The following WBP1L variants were observed in gnomAD, a reference collection of about 807,000 sequenced individuals.
WBP1L encodes the protein WW domain binding protein 1 like, also known as WW domain binding protein 1-like.
Under a neutral mutation model 33.7 loss-of-function variants are expected in WBP1L, and 17 were observed. The observed-to-expected ratio is 0.50, with a 90% CI of 0.34 to 0.76. The LOEUF is 0.76. Among genes scored for constraint, WBP1L ranks in the 30% least tolerant of loss-of-function variants. The pLI is 0.01. For synonymous variants in WBP1L, 173 were observed against 190.8 expected, an observed-to-expected ratio of 0.91 and a Z score of 0.77; for missense variants, 389 against 469.4, an observed-to-expected ratio of 0.83 and a Z score of 1.58.
intron 2 of WBP1L, among the ~76,000 whole-genome samples, chr10:102,807,002 T>C (rs1289321437): frequency 3.3e-5 from 5 of 152,334 alleles, no homozygotes; most frequent in South Asian, 4.1e-4. Context: ...ATTTTTTTCT[T>C]TTTTTAAACA....
At chr10:102,758,955 C>T (rs552158379) in intron 1 of WBP1L, among the ~76,000 whole-genome samples, 1 of 152,270 alleles carries the variant, frequency 6.6e-6, no homozygotes, top group South Asian at 2.1e-4. Context: ...TTTCTTCTAC[C>T]GCTATCTACT....
chr10:102,780,962 G>A (rs947631798), intron 1 of WBP1L, among the ~76,000 whole-genome samples: 2 of 152,174 alleles, frequency 1.3e-5, no homozygotes, highest in African/African-American at 4.8e-5. Flanking sequence ...CCACACCAGT[G>A]AGATGGGATG....
chr10:102,815,674 A>G lies in WBP1L; in HGVS notation c.*2343A>G, dbSNP rs1843929853. 1 of 152,094 alleles carries G rather than the reference A, an allele frequency of 6.6e-6. No homozygotes were observed. The highest frequency in any genetic ancestry group is 2.1e-4 in the South Asian group (1 of 4,834). The allele number at this position is 152,094 out of a possible 1,614,324, so 9.4% of individuals were successfully genotyped here. On this transcript the variant is annotated 3_prime_UTR_variant, in exon 4 of 4. Coordinates refer to ENST00000448841, the MANE Select transcript of WBP1L (RefSeq NM_001083913.2). Reference sequence around the variant, plus strand: ...TTCCACCTTTTTTTATTTTTTAAGAATCCCAAATAACTCACTGAAGTGTCT... The same window carrying G: ...TTCCACCTTTTTTTATTTTTTAAGAGTCCCAAATAACTCACTGAAGTGTCT...
At chr10:102,785,217 CTTG>C (rs1427135211) in intron 1 of WBP1L, among the ~76,000 whole-genome samples, 2 of 118,868 alleles carry the variant, frequency 1.7e-5, no homozygotes, top group East Asian at 2.6e-4. Flanking sequence ...GAGTTTCGAT[CTTG>C]TTGTCCACCC....
intron 1 of WBP1L, among the ~76,000 whole-genome samples, chr10:102,766,013 A>G (rs768087880): frequency 1.3e-5 from 2 of 152,234 alleles, no homozygotes; most frequent in African/African-American, 2.4e-5. Context: ...AGATTGGTGG[A>G]GACCTGGAAG....
chr10:102,812,544 C>T (rs868091392), intron 3 of WBP1L, 51 bp from the exon 4 acceptor site: 2 of 1,526,384 alleles, frequency 1.3e-6, no homozygotes, highest in Non-Finnish European at 8.8e-7. Context: ...TGCAGTCTGC[C>T]TAGAACAATG....
intron 1 of WBP1L, among the ~76,000 whole-genome samples, chr10:102,756,944 G>T (rs1842984489): frequency 6.6e-6 from 1 of 151,952 alleles, no homozygotes; most frequent in African/African-American, 2.4e-5. Flanking sequence ...CTGGAGTGCA[G>T]TGGCACAATC....
chr10:102,808,326 G>A (rs776772141), intron 2 of WBP1L, among the ~76,000 whole-genome samples: 2 of 151,970 alleles, frequency 1.3e-5, no homozygotes, highest in Non-Finnish European at 2.9e-5. Flanking sequence ...GCGTATATGT[G>A]TATGTGTGTT....
chr10:102,776,155 A>G (rs1043588175), intron 1 of WBP1L: 108 of 1,412,820 alleles, frequency 7.6e-5, no homozygotes, highest in Non-Finnish European at 9.2e-5. Context: ...TGCGTCTGAG[A>G]TATGTCACGA....
intron 1 of WBP1L, among the ~76,000 whole-genome samples, chr10:102,760,512 G>A (rs1451719898): frequency 6.6e-6 from 1 of 151,778 alleles, no homozygotes; most frequent in African/African-American, 2.4e-5. Flanking sequence ...GAGTAGCTGG[G>A]ATTACGGGCA....
chr10:102,785,214 G>T (rs1189290658), intron 1 of WBP1L, among the ~76,000 whole-genome samples: 1 of 118,016 alleles, frequency 8.5e-6, no homozygotes, highest in Non-Finnish European at 1.7e-5. Flanking sequence ...ACAGAGTTTC[G>T]ATCTTGTTGT....
chr10:102,749,130 ATC>A (rs1435430456), intron 1 of WBP1L, among the ~76,000 whole-genome samples: 1 of 152,120 alleles, frequency 6.6e-6, no homozygotes, highest in Non-Finnish European at 1.5e-5. Context: ...GCTGGAAATG[ATC>A]TCTCTCTGTG....
intron 1 of WBP1L, among the ~76,000 whole-genome samples, chr10:102,747,349 A>G (rs1842875147): frequency 7.8e-6 from 1 of 127,962 alleles, no homozygotes; most frequent in Non-Finnish European, 1.6e-5. Flanking sequence ...ACAGAGCGAG[A>G]CTCCGTCTCA....
intron 1 of WBP1L, among the ~76,000 whole-genome samples, chr10:102,758,956 G>A (rs564082808): frequency 1.1e-3 from 170 of 152,268 alleles, no homozygotes; most frequent in African/African-American, 3.8e-3. Flanking sequence ...TTCTTCTACC[G>A]CTATCTACTA....
At chr10:102,763,311 A>G (rs1843067415) in intron 1 of WBP1L, among the ~76,000 whole-genome samples, 1 of 151,958 alleles carries the variant, frequency 6.6e-6, no homozygotes, top group Non-Finnish European at 1.5e-5. Flanking sequence ...CTCAAAATAT[A>G]GGAGATTTGG....
rs190962835 is a variant in WBP1L, at chr10:102,768,782, G to A, written c.90+24639G>A. ...GGCTCACTGAAAGCTCCACCTCCCG[G>A]GTTCATGCCATTCTCCTGCCTCAGC... On this transcript the variant is annotated intron_variant, in intron 1 of 3. Transcript: ENST00000448841. Among the ~76,000 whole-genome samples the A allele has an allele frequency of 1.6e-4, 24 of 149,044 alleles. No individual in the cohort carries two copies. The East Asian group carries it at 4.0e-3, about 25-fold the overall frequency.
chr10:102,768,155 C>G (rs1843136506), intron 1 of WBP1L, among the ~76,000 whole-genome samples: 1 of 152,124 alleles, frequency 6.6e-6, no homozygotes, highest in African/African-American at 2.4e-5. Context: ...ACTGCAACCT[C>G]CGCCTCCTGG....
At chr10:102,793,833 A>G (rs1012364664) in intron 1 of WBP1L, among the ~76,000 whole-genome samples, 3 of 152,042 alleles carry the variant, frequency 2.0e-5, no homozygotes, top group African/African-American at 7.3e-5. Flanking sequence ...CAGTGGTGCA[A>G]TCATGGCTTG....
At chr10:102,774,422 C>A (rs1281097348) in intron 1 of WBP1L, among the ~76,000 whole-genome samples, 1 of 152,172 alleles carries the variant, frequency 6.6e-6, no homozygotes, top group East Asian at 1.9e-4. Flanking sequence ...GCCACCTTTT[C>A]CTCTAGCAAT....
Sources: gnomAD v4.1 joint callset for allele counts (sites outside exome capture counted in the v4.1 genomes callset) on GRCh38, gnomAD v4.1.1 for gene constraint, MANE v1.5 for transcripts, NCBI Gene and HGNC (gene_info 2026-07-23, HGNC 2026-07-21) for gene names.